STOX1: variants seen among roughly 807,000 people sequenced by gnomAD.
STOX1 encodes the protein storkhead-box protein 1.
Under a neutral mutation model 74.8 loss-of-function variants are expected in STOX1, and 57 were observed. The ratio of observed to expected loss-of-function variants is 0.76; its 90% confidence interval spans 0.62 to 0.95. The LOEUF (loss-of-function observed/expected upper bound fraction) is 0.95, where lower values mean the gene tolerates loss of function less well. Among genes scored for constraint, STOX1 ranks in the 40% least tolerant of loss-of-function variants. The pLI is 0.00. For missense variants in STOX1, 1,010 were observed against 1,117.0 expected (o/e 0.90, Z 1.37); for synonymous variants, 375 against 401.3 (o/e 0.93, Z 0.78).
At chr10:68,894,929 G>A (rs530266341), downstream of STOX1, among the ~76,000 whole-genome samples, 2 of 152,204 alleles carry the variant, frequency 1.3e-5, no homozygotes, top group African/African-American at 4.8e-5. Flanking sequence ...TCACTATGTT[G>A]GCCAGGCTGA....
chr10:68,886,239 C>T lies in STOX1; in HGVS notation c.2443C>T (p.Pro815Ser). Residue 815 changes from proline (P) to serine (S), a missense_variant, in exon 3 of 4, where the codon CCT (proline) becomes TCT (serine). By Grantham distance (74) the Pro-to-Ser change is moderately conservative. Transcript: ENST00000298596. ...LHATPGESQE[P>S]NLSAESCGLN... Reference sequence around the variant, plus strand: ...TGCTACCCCAGGTGAAAGCCAAGAACCTAACCTCTCTGCTGAAAGTTGTGG... The same window carrying T: ...TGCTACCCCAGGTGAAAGCCAAGAATCTAACCTCTCTGCTGAAAGTTGTGG... 6.2e-7 allele frequency: 1 copy of T among 1,614,214 alleles called. No homozygotes were observed. Among genetic ancestry groups the T allele is most frequent in the Non-Finnish European group, 8.5e-7 (1 of 1,180,032 alleles).
intron 1 of STOX1, among the ~76,000 whole-genome samples, chr10:68,864,664 C>T (rs1840358362): frequency 6.6e-6 from 1 of 152,162 alleles, no homozygotes; most frequent in Admixed American, 6.5e-5. Flanking sequence ...AACAGTAACA[C>T]CAGTAGGTGA....
intron 1 of STOX1, among the ~76,000 whole-genome samples, chr10:68,860,701 T>C (rs536023991): frequency 1.3e-5 from 2 of 151,876 alleles, no homozygotes; most frequent in East Asian, 1.9e-4. Flanking sequence ...GAAAATTTGA[T>C]TGGGTGTGTG....
At position 68,892,593 on chromosome 10, in the gene STOX1, C is replaced by T. The variant is rs769646483; in HGVS notation, c.2827C>T (p.Gln943Ter). The T allele has an allele frequency of 5.0e-6, 8 of 1,613,222 alleles. No individual in the cohort carries two copies. In the East Asian group the frequency reaches 1.3e-4, roughly 27 times the overall value. Reference protein sequence around the residue: ...GDSGIDSPRTQSLGSNNSVIL... With the variant: ...GDSGIDSPRT The stretch of plus-strand genomic sequence containing the variant: ...TGTTATTTTTAATATCTTTAGGACA[C>T]AGAGTCTGGGATCTAATAATTCAGT... The change falls in exon 4 of 4, where the codon CAG becomes TAG. Residue 943 changes from glutamine (Q) to a stop codon, truncating the protein, a stop_gained. Transcript: ENST00000298596. LOFTEE classifies it high-confidence loss of function.
At position 68,885,040 on chromosome 10, in the gene STOX1, G is replaced by A; in HGVS notation, c.1244G>A (p.Arg415Lys). ...CCTTCAAAAGAGGGGGTTAAGAAAA[G>A]GCAGGGTCTGTCTGCAAAACCTCAA... ...KYPSKEGVKK[R>K]QGLSAKPQGQ... The change falls in exon 3 of 4, where the codon AGG (arginine) becomes AAG (lysine). Residue 415 changes from arginine (R) to lysine (K), a missense_variant. Arg to Lys is a conservative substitution (Grantham distance 26). Coordinates refer to ENST00000298596, the MANE Select transcript of STOX1 (RefSeq NM_152709.5). 3 of 1,614,124 alleles carry A rather than the reference G, an allele frequency of 1.9e-6. No homozygotes were observed.
At chr10:68,833,055 C>T (rs1428881840) in intron 1 of STOX1, among the ~76,000 whole-genome samples, 1 of 151,336 alleles carries the variant, frequency 6.6e-6, no homozygotes, top group African/African-American at 2.4e-5. Context: ...CAGGCATGAG[C>T]CACCTTGCCT....
At chr10:68,852,248 GCTT>G (rs941373741) in intron 1 of STOX1, among the ~76,000 whole-genome samples, 4 of 132,240 alleles carry the variant, frequency 3.0e-5, no homozygotes, top group African/African-American at 5.4e-5. Flanking sequence ...TTCTCTTACT[GCTT>G]TTTTTTTTTT....
At chr10:68,861,373 A>T (rs1306057940) in intron 1 of STOX1, among the ~76,000 whole-genome samples, 2 of 152,268 alleles carry the variant, frequency 1.3e-5, no homozygotes, top group Middle Eastern at 3.4e-3. Flanking sequence ...TAGATCGCTC[A>T]TGCCATTGTT....
chr10:68,849,629 G>T (rs34905486), intron 1 of STOX1, among the ~76,000 whole-genome samples: 3 of 151,976 alleles, frequency 2.0e-5, no homozygotes, highest in Admixed American at 1.3e-4. Context: ...CCTCCTGCCC[G>T]GCCTTGTGCA....
chr10:68,848,330 C>G (rs1276363645), intron 1 of STOX1, among the ~76,000 whole-genome samples: 1 of 152,182 alleles, frequency 6.6e-6, no homozygotes, highest in Non-Finnish European at 1.5e-5. Context: ...AGGTCAGGCA[C>G]AACCCAGCTG....
intron 1 of STOX1, among the ~76,000 whole-genome samples, chr10:68,843,370 C>T (rs1024947897): frequency 1.3e-5 from 2 of 152,190 alleles, no homozygotes; most frequent in Admixed American, 6.5e-5. Context: ...TAATAACATT[C>T]ATCAACAGGT....
intron 1 of STOX1, among the ~76,000 whole-genome samples, chr10:68,856,994 C>T (rs1315094512): frequency 6.6e-6 from 1 of 152,116 alleles, no homozygotes; most frequent in Non-Finnish European, 1.5e-5. Flanking sequence ...AGGCCCTTGT[C>T]TGTCTCTTCC....
chr10:68,882,464 G>A lies in STOX1; in HGVS notation c.463+354G>A, dbSNP rs913020173. On this transcript the variant is annotated intron_variant, in intron 2 of 3. Transcript: ENST00000298596. ...ACTGCTATTATCATTTCTTATATAT[G>A]ATAATATAATAAATTTTTCATAACA... 2.0e-5 allele frequency among the ~76,000 whole-genome samples: 3 copies of A among 150,638 alleles called. No homozygotes were observed. The East Asian group carries it at 5.8e-4, about 29-fold the overall frequency.
intron 3 of STOX1, among the ~76,000 whole-genome samples, chr10:68,890,126 G>A (rs900664762): frequency 6.6e-6 from 1 of 151,592 alleles, no homozygotes; most frequent in African/African-American, 2.4e-5. Flanking sequence ...TGGCTGTTTA[G>A]CATTCTGTTA....
intron 1 of STOX1, among the ~76,000 whole-genome samples, chr10:68,844,242 C>A (rs555378011): frequency 6.7e-6 from 1 of 148,506 alleles, no homozygotes; most frequent in Non-Finnish European, 1.5e-5. Flanking sequence ...TCCCTAATGA[C>A]TAGTGAGTTG....
rs1239199754 is a variant in STOX1 at position 68,881,988 on chromosome 10, T to A, written c.341T>A (p.Ile114Lys). Residue 114 changes from isoleucine (I) to lysine (K), a missense_variant, in exon 2 of 4, where the codon ATA becomes AAA. Transcript: ENST00000298596. ...GTCTTTCCAGTGCAAATGAATCCAA[T>A]AACTCAATCTCAGTTCGTACCTTTG... The part of the protein sequence containing the change: ...GDVFPVQMNP[I>K]TQSQFVPLGE... 6.2e-6 allele frequency: 10 copies of A among 1,612,186 alleles called. No individual in the cohort carries two copies. The South Asian group carries it at 1.1e-4, about 18-fold the overall frequency.
rs374820547 is a variant in STOX1 at position 68,843,976 on chromosome 10, C to T, written c.310+16043C>T. On this transcript the variant is annotated intron_variant, in intron 1 of 3. Transcript: ENST00000298596. Reference sequence around the variant, plus strand: ...CGGGTGGATCACAAGGTCAGGAGATCGAGACCATCCTGGCTAACACGGTGA... The same window carrying T: ...CGGGTGGATCACAAGGTCAGGAGATTGAGACCATCCTGGCTAACACGGTGA... Among the ~76,000 whole-genome samples the T allele has an allele frequency of 2.6e-5, 4 of 151,996 alleles. 1 individual carries two copies. The highest frequency in any genetic ancestry group is 7.2e-5 in the African/African-American group (3 of 41,528).
At chr10:68,888,073 GCGCGCACACACGCACACACA>G (rs1177431274) in intron 3 of STOX1, among the ~76,000 whole-genome samples, 2 of 150,988 alleles carry the variant, frequency 1.3e-5, no homozygotes, top group Non-Finnish European at 2.9e-5. Flanking sequence ...ACACACACAC[GCGCGCACACACGCACACACA>G]CGCGCACACA....
At chr10:68,864,812 T>A (rs973420700) in intron 1 of STOX1, among the ~76,000 whole-genome samples, 5 of 152,222 alleles carry the variant, frequency 3.3e-5, no homozygotes, top group Non-Finnish European at 7.3e-5. Flanking sequence ...GAGACTAGGA[T>A]CTCCTCTAAG....
Sources: allele counts gnomAD v4.1 joint callset (sites outside exome capture counted in the v4.1 genomes callset), GRCh38; gene constraint gnomAD v4.1.1; transcripts MANE v1.5; gene names NCBI Gene and HGNC (gene_info 2026-07-23, HGNC 2026-07-21).